The following GRIP2 variants were observed in gnomAD, a reference collection of about 807,000 sequenced individuals.
GRIP2 encodes the protein glutamate receptor interacting protein 2, also known as glutamate receptor-interacting protein 2.
A neutral mutation model predicts 108.3 loss-of-function variants in GRIP2; 58 were observed. The observed-to-expected ratio is 0.54, with a 90% CI of 0.43 to 0.67. The LOEUF (loss-of-function observed/expected upper bound fraction) is 0.67. GRIP2 is among the 30% of genes least tolerant of loss of function. GRIP2 has a pLI of 0.00. For synonymous variants in GRIP2, 586 were observed against 598.2 expected, an observed-to-expected ratio of 0.98 and a Z score of 0.30; for missense variants, 1,278 against 1,430.6, an observed-to-expected ratio of 0.89 and a Z score of 1.72.
upstream of GRIP2, among the ~76,000 whole-genome samples, chr3:14,560,583 G>A (rs1695303347): frequency 6.6e-6 from 1 of 152,196 alleles, no homozygotes; most frequent in South Asian, 2.1e-4. Context: ...GAAGCCACTA[G>A]GAAAGGGAAT....
chr3:14,495,351 A>G (rs1343294502), intron 22 of GRIP2, among the ~76,000 whole-genome samples: 2 of 152,096 alleles, frequency 1.3e-5, no homozygotes, highest in Non-Finnish European at 2.9e-5. Context: ...AGAGCTTCTG[A>G]GGGCCATTGG....
At chr3:14,597,308 T>C in the GRIP2 span, among the ~76,000 whole-genome samples, 7 of 152,222 alleles carry the variant, frequency 4.6e-5, no homozygotes, top group African/African-American at 1.7e-4. Context: ...GGAAGGCATA[T>C]GATAATTTTT....
intron 8 of GRIP2, 43 bp from the exon 9 acceptor site, chr3:14,520,322 G>T: frequency 6.2e-7 from 1 of 1,611,382 alleles, no homozygotes; most frequent in Non-Finnish European, 8.5e-7. Flanking sequence ...GTCCAGGCCA[G>T]ACAAAGCTCT....
At chr3:14,523,519 A>C in intron 5 of GRIP2, 93 bp downstream of exon 5, 1 of 843,630 alleles carries the variant, frequency 1.2e-6, no homozygotes, top group Non-Finnish European at 2.0e-6. Flanking sequence ...TGAGATACAC[A>C]TAAATTACAT....
the GRIP2 span, among the ~76,000 whole-genome samples, chr3:14,595,293 G>C: frequency 5.9e-5 from 9 of 152,106 alleles, no homozygotes; most frequent in Non-Finnish European, 1.2e-4. Context: ...CTCCCAAAGC[G>C]CTGGGATTAC....
At chr3:14,564,010 GAGGCTC>G in the GRIP2 span, among the ~76,000 whole-genome samples, 1 of 152,204 alleles carries the variant, frequency 6.6e-6, no homozygotes, top group East Asian at 1.9e-4. Flanking sequence ...GACCTGCTCT[GAGGCTC>G]AGGAAGCAGA....
the GRIP2 span, among the ~76,000 whole-genome samples, chr3:14,569,793 A>AT: frequency 6.6e-6 from 1 of 152,130 alleles, no homozygotes; most frequent in South Asian, 2.1e-4. Flanking sequence ...GTGAGGATGC[A>AT]TTTTTAACTT....
Position 14,521,988 on chromosome 3 carries a change from A to G in GRIP2, c.567-201T>C, listed in dbSNP as rs1050643427. ...CAGGAGTGGGGAGCTGCATAAAGCA[A>G]GGGGGGGATGAAGACAGGATGGGGT... On this transcript the variant is annotated intron_variant, in intron 6 of 23. Transcript: ENST00000621039. The surrounding 1 kb of genome is among the most constrained non-coding windows in gnomAD (Gnocchi z 5.1). 3 of 519,332 alleles carry G rather than the reference A, an allele frequency of 5.8e-6. No homozygotes were observed. The highest frequency in any genetic ancestry group is 2.9e-5 in the South Asian group (1 of 35,056). The allele number at this position is 519,332 out of a possible 1,614,324, so 32.2% of individuals were successfully genotyped here. A position where few individuals can be genotyped will look rare whatever the true frequency, so the allele number is the denominator to read the frequency against.
At chr3:14,592,268 C>T in the GRIP2 span, among the ~76,000 whole-genome samples, 1 of 152,122 alleles carries the variant, frequency 6.6e-6, no homozygotes, top group Admixed American at 6.5e-5. Context: ...AAGTAAGTGC[C>T]TGAGAGGCTG....
At position 14,506,925 on chromosome 3, in the gene GRIP2, C is replaced by A; in HGVS notation, c.2274G>T (p.Glu758Asp). ...CTCCTTTCAGGGCATCTGCTGGGTC[C>A]TCATCAGCATCACTGGTCTCACTGA... ...GSLSETSDAD[E>D]DPADALKGGL... The change falls in exon 19 of 24, where the codon GAG becomes GAT. Residue 758 changes from glutamate (E) to aspartate (D), a missense_variant. Physicochemically the swap from Glu to Asp is conservative, Grantham distance 45. Coordinates refer to ENST00000621039, the MANE Select transcript of GRIP2 (RefSeq NM_001080423.4). 1 of 1,607,666 alleles carries A rather than the reference C, an allele frequency of 6.2e-7. No homozygotes were observed.
In GRIP2 at chr3:14,507,032, C is replaced by A; in HGVS notation, c.2219-52G>T. On this transcript the variant is annotated intron_variant, in intron 18 of 23. Coordinates refer to ENST00000621039, the MANE Select transcript of GRIP2 (RefSeq NM_001080423.4). The surrounding 1 kb of genome is among the most constrained non-coding windows in gnomAD (Gnocchi z 4.6). ...TGACTTCAGAGACACTCACAGTGAG[C>A]CTCAGTTTCTGCATTTCAGCCTGGT... is the stretch of plus-strand genomic sequence containing the variant. 6.7e-7 allele frequency: 1 copy of A among 1,495,744 alleles called. No homozygotes were observed. Among genetic ancestry groups the A allele is most frequent in the Non-Finnish European group, 9.0e-7 (1 of 1,105,972 alleles). The allele number at this position is 1,495,744 out of a possible 1,614,324, so 92.7% of individuals were successfully genotyped here. A position where few individuals can be genotyped will look rare whatever the true frequency, so the allele number is the denominator to read the frequency against.
rs1316731629 is a variant in GRIP2 at position 14,517,189 on chromosome 3, G to A, written c.1181C>T (p.Ser394Leu). ...GGAAAAGGCGTGGTTCAAGGTCGGCGAGGAAAAGGGAGTTGAAGACAAGGC... is the reference window on the plus strand; with the variant it reads ...GGAAAAGGCGTGGTTCAAGGTCGGCAAGGAAAAGGGAGTTGAAGACAAGGC... ...SRSLSSTPFS[S>L]PTLNHAFSCN... The change falls in exon 11 of 24, where the codon TCG becomes TTG. Residue 394 changes from serine to leucine, a missense_variant. Coordinates refer to ENST00000621039, the MANE Select transcript of GRIP2 (RefSeq NM_001080423.4). 11 of 1,597,374 alleles carry A rather than the reference G, an allele frequency of 6.9e-6. No individual in the cohort carries two copies. Among genetic ancestry groups the A allele is most frequent in the Middle Eastern group, 1.7e-4 (1 of 5,992 alleles).
chr3:14,522,011 G>A lies in GRIP2; in HGVS notation c.567-224C>T, dbSNP rs1694425948. On this transcript the variant is annotated intron_variant, in intron 6 of 23. Coordinates refer to ENST00000621039, the MANE Select transcript of GRIP2 (RefSeq NM_001080423.4). The surrounding 1 kb of genome is among the most constrained non-coding windows in gnomAD (Gnocchi z 4.3). ...CAAGGGGGGGATGAAGACAGGATGG[G>A]GTGGCTCTGCCGCCTGCCACTCCTC... The A allele has an allele frequency of 1.9e-6, 1 of 534,682 alleles. No homozygotes were observed. Among genetic ancestry groups the A allele is most frequent in the Non-Finnish European group, 3.3e-6 (1 of 304,858 alleles). The allele number at this position is 534,682 out of a possible 1,614,324, so 33.1% of individuals were successfully genotyped here.
At chr3:14,571,976 G>A in the GRIP2 span, among the ~76,000 whole-genome samples, 35 of 152,274 alleles carry the variant, frequency 2.3e-4, no homozygotes, top group East Asian at 5.2e-3. Context: ...GTGGTACAGC[G>A]ACTTTGGAAA....
Position 14,512,666 on chromosome 3 carries a change from G to A in GRIP2, c.1720+111C>T, listed in dbSNP as rs534419048. The stretch of plus-strand genomic sequence containing the variant: ...CCCCACACCCCCAAGCCTTTTCCTC[G>A]GGCCCCGCAGGGTGTCACGCCATGG... On this transcript the variant is annotated intron_variant, in intron 14 of 23. Coordinates refer to ENST00000621039, the MANE Select transcript of GRIP2 (RefSeq NM_001080423.4). This position sits in a 1 kb window ranked among gnomAD's most constrained non-coding sequence, Gnocchi z 5.1. The A allele has an allele frequency of 8.4e-5, 85 of 1,016,496 alleles. No individual in the cohort carries two copies. Among genetic ancestry groups the A allele is most frequent in the South Asian group, 1.7e-4 (11 of 64,890 alleles). 63.0% of individuals were successfully genotyped at this position (1,016,496 alleles called of 1,614,324 possible). A position where few individuals can be genotyped will look rare whatever the true frequency, so the allele number is the denominator to read the frequency against.
At chr3:14,541,985 G>T (rs371962111), upstream of GRIP2, 1 of 1,351,950 alleles carries the variant, frequency 7.4e-7, no homozygotes, top group East Asian at 4.7e-5. Flanking sequence ...TCAACCACGC[G>T]GGAAGGAATG....
chr3:14,591,463 A>G, the GRIP2 span, among the ~76,000 whole-genome samples: 335 of 152,228 alleles, frequency 2.2e-3, 1 homozygote, highest in African/African-American at 7.8e-3. Flanking sequence ...TCAGGTTCTC[A>G]ATTATGAGAT....
At chr3:14,494,756 T>A (rs1304777384) in intron 23 of GRIP2, 87 bp downstream of exon 23, 6 of 1,462,188 alleles carry the variant, frequency 4.1e-6, no homozygotes, top group Non-Finnish European at 5.5e-6. Flanking sequence ...CCTGCCCTCT[T>A]CACAGGCGAT....
chr3:14,573,287 G>T, the GRIP2 span: 1 of 1,421,668 alleles, frequency 7.0e-7, no homozygotes, highest in Non-Finnish European at 9.9e-7. Context: ...GGTACAGCAG[G>T]AAGATGGCAC....
Sources: gnomAD v4.1 joint callset for allele counts (sites outside exome capture counted in the v4.1 genomes callset) on GRCh38, gnomAD v4.1.1 for gene constraint, Gnocchi (gnomAD v3.1) non-coding constraint, MANE v1.5 for transcripts, NCBI Gene and HGNC (gene_info 2026-07-23, HGNC 2026-07-21) for gene names.